Variants in PEAK1 observed in about 807,000 individuals in gnomAD.
The protein encoded by PEAK1 is pseudopodium enriched atypical kinase 1.
PEAK1 carries 54 observed loss-of-function variants against 124.7 expected under a neutral mutation model. The observed-to-expected ratio is 0.43, with a 90% CI of 0.35 to 0.54. The LOEUF is 0.54. PEAK1 is among the 20% of genes least tolerant of loss of function. PEAK1 has a pLI of 0.01. For missense variants in PEAK1, 2,046 were observed against 2,134.5 expected, an observed-to-expected ratio of 0.96 and a Z score of 0.82; for synonymous variants, 719 against 760.0, an observed-to-expected ratio of 0.95 and a Z score of 0.89.
chr15:77,419,247 T>A, intron 1 of PEAK1: 1 of 985,032 alleles, frequency 1.0e-6, no homozygotes, highest in Non-Finnish European at 1.2e-6. Flanking sequence ...ATCTTTAACG[T>A]AGCCAAAGGA....
At chr15:77,295,056 T>C (rs1340755974) in intron 2 of PEAK1, among the ~76,000 whole-genome samples, 1 of 152,176 alleles carries the variant, frequency 6.6e-6, no homozygotes, top group African/African-American at 2.4e-5. Context: ...ACTTCTAAAT[T>C]AAATCGAGTA....
intron 6 of PEAK1, among the ~76,000 whole-genome samples, chr15:77,199,717 T>C (rs2058272325): frequency 6.6e-6 from 1 of 152,156 alleles, no homozygotes; most frequent in Admixed American, 6.5e-5. Flanking sequence ...TTGGAGACAC[T>C]GAAGAGCTAA....
intron 2 of PEAK1, among the ~76,000 whole-genome samples, chr15:77,303,007 T>C (rs1025308851): frequency 3.3e-5 from 5 of 152,194 alleles, no homozygotes; most frequent in African/African-American, 1.2e-4. Flanking sequence ...GAATGTCATA[T>C]AACTGGACTC....
intron 2 of PEAK1, among the ~76,000 whole-genome samples, chr15:77,355,355 T>G (rs868126730): frequency 9.2e-5 from 14 of 152,118 alleles, no homozygotes; most frequent in South Asian, 2.1e-4. Context: ...ATAAGTAAAA[T>G]ACAAATTTAC....
chr15:77,317,551 C>T (rs1274239234), intron 2 of PEAK1, among the ~76,000 whole-genome samples: 1 of 152,182 alleles, frequency 6.6e-6, no homozygotes, highest in East Asian at 1.9e-4. Flanking sequence ...CCTTTGGCCA[C>T]ATCAGCAGCA....
At chr15:77,245,380 G>C (rs1284734222) in intron 6 of PEAK1, among the ~76,000 whole-genome samples, 1 of 151,638 alleles carries the variant, frequency 6.6e-6, no homozygotes, top group Non-Finnish European at 1.5e-5. Flanking sequence ...AAAAAAGGAT[G>C]TCTAACTCTT....
At chr15:77,403,618 A>G (rs2071556541) in intron 1 of PEAK1, 25 of 913,990 alleles carry the variant, frequency 2.7e-5, no homozygotes, top group Non-Finnish European at 3.3e-5. Flanking sequence ...ATCATACCCT[A>G]TACTAAGTTC....
chr15:77,163,404 C>T (rs931285257), intron 7 of PEAK1, among the ~76,000 whole-genome samples: 3 of 152,188 alleles, frequency 2.0e-5, no homozygotes, highest in Non-Finnish European at 2.9e-5. Flanking sequence ...GGTTGTATCT[C>T]ATCAGTCTGC....
chr15:77,218,141 T>C (rs1316710022), intron 6 of PEAK1, among the ~76,000 whole-genome samples: 3 of 152,148 alleles, frequency 2.0e-5, no homozygotes, highest in Non-Finnish European at 4.4e-5. Flanking sequence ...AGAACAATGT[T>C]AAATAAAAGT....
intron 7 of PEAK1, among the ~76,000 whole-genome samples, chr15:77,165,039 G>A (rs1287674658): frequency 6.6e-6 from 1 of 152,090 alleles, no homozygotes; most frequent in Non-Finnish European, 1.5e-5. Flanking sequence ...GAGTAGCTGG[G>A]ATGACAGGTG....
At chr15:77,261,652 CG>C in intron 5 of PEAK1, among the ~76,000 whole-genome samples, 1 of 152,204 alleles carries the variant, frequency 6.6e-6, no homozygotes, top group East Asian at 1.9e-4. Context: ...CTGAAAGTGA[CG>C]GGGAGAATGG....
chr15:77,150,550 T>C (rs1039133108), intron 8 of PEAK1, among the ~76,000 whole-genome samples: 1 of 152,158 alleles, frequency 6.6e-6, no homozygotes, highest in Non-Finnish European at 1.5e-5. Flanking sequence ...TTAGGGTACA[T>C]GTGCACAAAG....
intron 1 of PEAK1, among the ~76,000 whole-genome samples, chr15:77,407,946 C>T (rs564790507): frequency 1.2e-4 from 10 of 81,018 alleles, no homozygotes; most frequent in East Asian, 2.5e-4. Flanking sequence ...CATATATACA[C>T]ATATACACAC....
At chr15:77,158,167 T>G (rs2055321918) in intron 8 of PEAK1, 1 of 188,806 alleles carries the variant, frequency 5.3e-6, no homozygotes, top group Admixed American at 5.4e-5. Flanking sequence ...CACCCTCCTC[T>G]GTGTAATATT....
At position 77,151,447 on chromosome 15, in the gene PEAK1, C is replaced by A. The variant is rs543320951; in HGVS notation, c.3331+7056G>T. Reference sequence around the variant, plus strand: ...ATGAATAGATTGCAAAAATTTTCTCCCACTTTGTAGGTTGCCTGTTCACTC... The same window carrying A: ...ATGAATAGATTGCAAAAATTTTCTCACACTTTGTAGGTTGCCTGTTCACTC... On this transcript the variant is annotated intron_variant, in intron 8 of 9. Coordinates refer to ENST00000682557, the MANE Select transcript of PEAK1 (RefSeq NM_001385026.1). 1.5e-4 allele frequency among the ~76,000 whole-genome samples: 23 copies of A among 152,242 alleles called. No homozygotes were observed. The South Asian group carries it at 3.9e-3, about 26-fold the overall frequency.
chr15:77,338,634 TAA>T (rs66627554), intron 2 of PEAK1, among the ~76,000 whole-genome samples: 1,487 of 142,362 alleles, frequency 0.01, 21 homozygotes, highest in African/African-American at 0.034. Flanking sequence ...GAAAAATCTT[TAA>T]AAAAAAAAAT....
At chr15:77,344,251 C>T (rs868229179) in intron 2 of PEAK1, among the ~76,000 whole-genome samples, 8 of 152,090 alleles carry the variant, frequency 5.3e-5, no homozygotes, top group African/African-American at 1.4e-4. Flanking sequence ...CCAGCCACCA[C>T]GCCCGGCTAA....
At chr15:77,188,447 A>T (rs2057661958) in intron 6 of PEAK1, among the ~76,000 whole-genome samples, 1 of 152,232 alleles carries the variant, frequency 6.6e-6, no homozygotes, top group Non-Finnish European at 1.5e-5. Context: ...AATAATAATT[A>T]TTATAAACTT....
At chr15:77,173,012 C>T (rs1222509063) in intron 7 of PEAK1, among the ~76,000 whole-genome samples, 1 of 152,128 alleles carries the variant, frequency 6.6e-6, no homozygotes, top group Non-Finnish European at 1.5e-5. Flanking sequence ...CCTCAGCCTC[C>T]CAAAGTGCTG....
Sources: gnomAD v4.1 joint callset for allele counts (sites outside exome capture counted in the v4.1 genomes callset) on GRCh38, gnomAD v4.1.1 for gene constraint, MANE v1.5 for transcripts, NCBI Gene and HGNC (gene_info 2026-07-23, HGNC 2026-07-21) for gene names.